The following EML4 variants were observed in gnomAD, a reference collection of about 807,000 sequenced individuals.
EML4 encodes EMAP like 4.
In EML4, 72 loss-of-function variants were observed where a neutral mutation model predicts 129.0. The ratio of observed to expected loss-of-function variants is 0.56; its 90% CI spans 0.46 to 0.68. The LOEUF is 0.68. Among genes scored for constraint, EML4 ranks in the 30% least tolerant of loss-of-function variants. The pLI is 0.00. For synonymous variants in EML4, 532 were observed against 405.0 expected (o/e 1.31, Z -3.77); for missense variants, 1,363 against 1,190.6 (o/e 1.14, Z -2.13).
At chr2:42,284,119 A>C (rs1021581711) in intron 8 of EML4, among the ~76,000 whole-genome samples, 1 of 152,246 alleles carries the variant, frequency 6.6e-6, no homozygotes, top group African/African-American at 2.4e-5. Context: ...AGCGCTAAGA[A>C]CTAATTAAAA....
chr2:42,256,459 A>C, intron 2 of EML4, 42 bp from the exon 3 acceptor site: 1 of 1,550,966 alleles, frequency 6.4e-7, no homozygotes, highest in Non-Finnish European at 8.7e-7. Flanking sequence ...TTTAAGGAAT[A>C]TATTCAAATT....
chr2:42,311,386 C>T (rs1668938898), intron 17 of EML4, among the ~76,000 whole-genome samples: 1 of 152,072 alleles, frequency 6.6e-6, no homozygotes, highest in Admixed American at 6.5e-5. Flanking sequence ...CATGGCAAAA[C>T]CCCTCCTCTA....
chr2:42,329,952 TCCC>T lies in EML4; in HGVS notation c.2692_2694del (p.Pro898del). ...CTGAAAGTGTCATCCAATCTAATACTCCCACACCGCCTCCTTCTCAGCCCTTAA... is the reference window on the plus strand; with the variant it reads ...CTGAAAGTGTCATCCAATCTAATACTACACCGCCTCCTTCTCAGCCCTTAA... On this transcript the variant is annotated inframe_deletion, in exon 23 of 23. Coordinates refer to ENST00000318522, the MANE Select transcript of EML4 (RefSeq NM_019063.5). 1 of 1,613,754 alleles carries T rather than the reference TCCC, an allele frequency of 6.2e-7. No homozygotes were observed.
At chr2:42,308,861 C>T (rs1003902529) in intron 17 of EML4, among the ~76,000 whole-genome samples, 2 of 152,056 alleles carry the variant, frequency 1.3e-5, no homozygotes, top group African/African-American at 2.4e-5. Flanking sequence ...TTGTGATGAG[C>T]TTCTTTCACT....
At chr2:42,284,579 A>G in intron 8 of EML4, 55 bp from the exon 9 acceptor site, 1 of 1,265,598 alleles carries the variant, frequency 7.9e-7, no homozygotes, top group Non-Finnish European at 1.1e-6. Flanking sequence ...GTACAAAGGT[A>G]TTCTGTTGTT....
At chr2:42,180,595 C>T (rs938045858) in intron 1 of EML4, among the ~76,000 whole-genome samples, 3 of 152,114 alleles carry the variant, frequency 2.0e-5, no homozygotes, top group African/African-American at 7.2e-5. Context: ...ATGAAAGTGC[C>T]TGTCTTCTTT....
intron 14 of EML4, 58 bp from the exon 15 acceptor site, chr2:42,303,046 C>G (rs765484106): frequency 3.6e-5 from 55 of 1,547,876 alleles, no homozygotes; most frequent in Non-Finnish European, 4.0e-5. Context: ...ATGCAGGCTT[C>G]GAGTAGTAAT....
chr2:42,179,965 A>G (rs1487518967), intron 1 of EML4, among the ~76,000 whole-genome samples: 3 of 152,190 alleles, frequency 2.0e-5, no homozygotes, highest in Non-Finnish European at 2.9e-5. Flanking sequence ...CAGAGCATGC[A>G]TATGTGCATG....
chr2:42,178,957 C>T (rs1317821423), intron 1 of EML4, among the ~76,000 whole-genome samples: 7 of 152,164 alleles, frequency 4.6e-5, no homozygotes, highest in Non-Finnish European at 8.8e-5. Context: ...GGTGCTAAAT[C>T]TAGGGGGATA....
chr2:42,316,377 G>A (rs1669245832), intron 18 of EML4, among the ~76,000 whole-genome samples: 1 of 152,138 alleles, frequency 6.6e-6, no homozygotes, highest in Non-Finnish European at 1.5e-5. Context: ...TGTCACATCT[G>A]GTTAGCAAGC....
chr2:42,325,637 T>TATATATATATATATATATGC (rs1553397129), intron 20 of EML4, 83 bp downstream of exon 20: 3 of 204,848 alleles, frequency 1.5e-5, no homozygotes, highest in Non-Finnish European at 2.7e-5. Context: ...TATATATATA[T>TATATATATATATATATATGC]ATGCTAAGAT....
Position 42,280,893 on chromosome 2 carries a change from C to G in EML4, c.711C>G (p.Thr237=). 4.3e-6 allele frequency: 7 copies of G among 1,611,824 alleles called. No homozygotes were observed. The highest frequency in any genetic ancestry group is 5.9e-6 in the Non-Finnish European group (7 of 1,178,686). Residue 237 remains threonine (T), a synonymous_variant, in exon 7 of 23, where the codon ACC becomes ACG. Transcript: ENST00000318522. ...IKMFMRGRPI[T]MFIPSDVDNY... is the part of the protein sequence containing the mutation. ...TGTTTATGCGCGGTCGGCCAATTAC[C>G]ATGTTCATTCCTTCCGATGTTGACA...
chr2:42,170,225 C>T (rs907713325), intron 1 of EML4: 1 of 152,306 alleles, frequency 6.6e-6, no homozygotes, highest in African/African-American at 2.4e-5. Flanking sequence ...TCAATCCCTC[C>T]ACTTCTCTGA....
At chr2:42,276,161 G>A (rs1272398785) in intron 6 of EML4, among the ~76,000 whole-genome samples, 1 of 152,180 alleles carries the variant, frequency 6.6e-6, no homozygotes, top group Non-Finnish European at 1.5e-5. Flanking sequence ...CCTAAAAGAA[G>A]AGGTTGCAAA....
intron 13 of EML4, among the ~76,000 whole-genome samples, chr2:42,299,714 A>G (rs11124872): frequency 0.4 from 61,023 of 151,904 alleles, 12,556 homozygotes; most frequent in East Asian, 0.59. Flanking sequence ...TTTGAGATGG[A>G]GTTTCACTCT....
At chr2:42,193,144 A>G (rs1380435606) in intron 1 of EML4, among the ~76,000 whole-genome samples, 1 of 152,216 alleles carries the variant, frequency 6.6e-6, no homozygotes, top group East Asian at 1.9e-4. Flanking sequence ...TTCTGTGCTT[A>G]CATACCATTG....
At chr2:42,199,630 A>G (rs554989664) in intron 1 of EML4, among the ~76,000 whole-genome samples, 2 of 152,282 alleles carry the variant, frequency 1.3e-5, no homozygotes, top group East Asian at 3.9e-4. Context: ...CGTGTGGAAA[A>G]GTTGGTTTCA....
chr2:42,224,429 G>A (rs991920992), intron 1 of EML4, among the ~76,000 whole-genome samples: 1 of 152,128 alleles, frequency 6.6e-6, no homozygotes, highest in African/African-American at 2.4e-5. Flanking sequence ...GTATAACCGT[G>A]TGAGCACATA....
intron 5 of EML4, 62 bp downstream of exon 5, chr2:42,263,368 C>T: frequency 1.1e-6 from 1 of 920,110 alleles, no homozygotes; most frequent in Non-Finnish European, 1.6e-6. Flanking sequence ...ATTATGTTTG[C>T]ATGTACAGTT....
Sources: gnomAD v4.1 joint callset for allele counts (sites outside exome capture counted in the v4.1 genomes callset) on GRCh38, gnomAD v4.1.1 for gene constraint, MANE v1.5 for transcripts, NCBI Gene and HGNC (gene_info 2026-07-23, HGNC 2026-07-21) for gene names.